Variants in NEGR1 observed in about 807,000 individuals in gnomAD.
NEGR1 encodes the protein neuronal growth regulator 1.
In NEGR1, 10 loss-of-function variants were observed where a neutral mutation model predicts 40.9. The observed-to-expected ratio is 0.24, with a 90% CI of 0.15 to 0.42. NEGR1 has a LOEUF of 0.42. NEGR1 is among the 10% of genes least tolerant of loss of function. The pLI is 1.00. For synonymous variants in NEGR1, 185 were observed against 166.8 expected, an observed-to-expected ratio of 1.11 and a Z score of -0.84; for missense variants, 352 against 438.9, an observed-to-expected ratio of 0.80 and a Z score of 1.77.
intron 6 of NEGR1, among the ~76,000 whole-genome samples, chr1:71,572,872 G>A (rs974772012): frequency 2.0e-5 from 3 of 151,766 alleles, no homozygotes; most frequent in Non-Finnish European, 4.4e-5. Context: ...ATGAATAGTC[G>A]ATAAAGGGTG....
At chr1:71,693,978 T>A (rs1384248066) in intron 4 of NEGR1, among the ~76,000 whole-genome samples, 1 of 151,752 alleles carries the variant, frequency 6.6e-6, no homozygotes, top group Non-Finnish European at 1.5e-5. Flanking sequence ...TAAATCAGCT[T>A]TTTGATTTTC....
chr1:72,105,332 G>T (rs1459758029), intron 1 of NEGR1, among the ~76,000 whole-genome samples: 1 of 151,938 alleles, frequency 6.6e-6, no homozygotes, highest in Non-Finnish European at 1.5e-5. Context: ...GAAGTAAAAG[G>T]CAATAGTCTG....
At chr1:71,552,622 TAGG>T (rs1311090990) in intron 6 of NEGR1, among the ~76,000 whole-genome samples, 2 of 149,492 alleles carry the variant, frequency 1.3e-5, no homozygotes, top group Admixed American at 6.7e-5. Context: ...TATTCTATAT[TAGG>T]AGAATATATA....
At chr1:71,813,086 T>A (rs1419589232) in intron 2 of NEGR1, among the ~76,000 whole-genome samples, 1 of 152,154 alleles carries the variant, frequency 6.6e-6, no homozygotes, top group East Asian at 1.9e-4. Context: ...AAGTCTTTAA[T>A]CCATCTTGAG....
At chr1:71,951,662 T>A (rs1646071599) in intron 1 of NEGR1, among the ~76,000 whole-genome samples, 1 of 151,896 alleles carries the variant, frequency 6.6e-6, no homozygotes, top group African/African-American at 2.4e-5. Context: ...TACACAATAA[T>A]TACCATGATA....
At chr1:72,138,741 G>T (rs956256187) in intron 1 of NEGR1, among the ~76,000 whole-genome samples, 4 of 151,920 alleles carry the variant, frequency 2.6e-5, no homozygotes, top group Admixed American at 6.6e-5. Context: ...TGCTAAAACT[G>T]CAAGCATAAA....
chr1:71,940,323 C>G (rs10889935), intron 1 of NEGR1, among the ~76,000 whole-genome samples: 32,508 of 152,034 alleles, frequency 0.21, 4,076 homozygotes, highest in East Asian at 0.53. Flanking sequence ...CTTTAAAAAT[C>G]TGCTAGACTA....
chr1:71,519,563 A>T (rs1647138836), intron 6 of NEGR1, among the ~76,000 whole-genome samples: 1 of 105,110 alleles, frequency 9.5e-6, no homozygotes. Flanking sequence ...GGAATATCAC[A>T]CTCTGGGGAC....
intron 6 of NEGR1, among the ~76,000 whole-genome samples, chr1:71,470,241 A>G (rs982052270): frequency 3.3e-5 from 5 of 151,844 alleles, no homozygotes; most frequent in African/African-American, 9.7e-5. Flanking sequence ...TTTTCCTACT[A>G]TCGAAGTTAT....
At chr1:71,481,477 A>T (rs2101372487) in intron 6 of NEGR1, among the ~76,000 whole-genome samples, 1 of 151,968 alleles carries the variant, frequency 6.6e-6, no homozygotes, top group African/African-American at 2.4e-5. Flanking sequence ...TTGCTTCCTC[A>T]TATTTTCCCC....
Position 71,845,210 on chromosome 1 carries a change from A to G in NEGR1, c.410-68913T>C, listed in dbSNP as rs563795050. Among the ~76,000 whole-genome samples the G allele has an allele frequency of 4.6e-5, 7 of 152,116 alleles. No individual in the cohort carries two copies. In the East Asian group the frequency reaches 1.4e-3, roughly 29 times the overall value. On this transcript the variant is annotated intron_variant, in intron 2 of 6. Coordinates refer to ENST00000357731, the MANE Select transcript of NEGR1 (RefSeq NM_173808.3). ...AGAGTGTAGCTTAATTTTTGTTTTT[A>G]TTTTTGATAAATAACTATAGAATTT...
intron 2 of NEGR1, among the ~76,000 whole-genome samples, chr1:71,827,052 C>T (rs1160545836): frequency 1.3e-5 from 2 of 151,728 alleles, no homozygotes; most frequent in Non-Finnish European, 2.9e-5. Context: ...AGAGCAGTTG[C>T]CACTATTGGC....
At chr1:71,743,612 A>G (rs1200415705) in intron 3 of NEGR1, among the ~76,000 whole-genome samples, 1 of 152,128 alleles carries the variant, frequency 6.6e-6, no homozygotes, top group South Asian at 2.1e-4. Flanking sequence ...TTTAAATGCT[A>G]TTGTTGTTCT....
intron 1 of NEGR1, among the ~76,000 whole-genome samples, chr1:71,991,955 C>T (rs1646457017): frequency 6.6e-6 from 1 of 151,936 alleles, no homozygotes; most frequent in African/African-American, 2.4e-5. Flanking sequence ...CCACACCTGG[C>T]TAATTTTTTT....
chr1:71,440,050 G>A (rs559115210), intron 6 of NEGR1, among the ~76,000 whole-genome samples: 12 of 151,710 alleles, frequency 7.9e-5, no homozygotes, highest in Non-Finnish European at 1.6e-4. Context: ...TATGGCTTAC[G>A]AATCCATTGA....
rs912079323 is a variant in NEGR1, at chr1:71,500,375, T to G, written c.940+92442A>C. Among the ~76,000 whole-genome samples the G allele has an allele frequency of 3.9e-5, 6 of 152,134 alleles. No individual in the cohort carries two copies. The East Asian group carries it at 1.2e-3, about 29-fold the overall frequency. Reference sequence around the variant, plus strand: ...CTTTATTTTATCTTAGTCTGAACTTTCCACCAGGACTCTAGTTTTTATTAT... The same window carrying G: ...CTTTATTTTATCTTAGTCTGAACTTGCCACCAGGACTCTAGTTTTTATTAT... On this transcript the variant is annotated intron_variant, in intron 6 of 6. Transcript: ENST00000357731.
chr1:71,639,020 T>A (rs370163618), intron 4 of NEGR1, among the ~76,000 whole-genome samples: 1 of 151,738 alleles, frequency 6.6e-6, no homozygotes, highest in African/African-American at 2.4e-5. Context: ...AAAATAAAAA[T>A]GAGAGTAGGC....
intron 1 of NEGR1, among the ~76,000 whole-genome samples, chr1:72,033,015 T>C (rs760192523): frequency 2.0e-5 from 3 of 152,132 alleles, no homozygotes; most frequent in Non-Finnish European, 4.4e-5. Context: ...TCTTAAAAAT[T>C]GTATCAGTTT....
chr1:72,027,136 C>T, intron 1 of NEGR1, among the ~76,000 whole-genome samples: 1 of 152,062 alleles, frequency 6.6e-6, no homozygotes, highest in East Asian at 1.9e-4. Flanking sequence ...CTGTGTTAGC[C>T]AGGATGGTCT....
Sources: allele counts gnomAD v4.1 joint callset (sites outside exome capture counted in the v4.1 genomes callset), GRCh38; gene constraint gnomAD v4.1.1; transcripts MANE v1.5; gene names NCBI Gene and HGNC (gene_info 2026-07-23, HGNC 2026-07-21).